Variants in RBFOX2 observed in about 807,000 individuals in gnomAD.
RBFOX2 encodes the protein RNA binding fox-1 homolog 2.
RBFOX2 carries 10 observed loss-of-function variants against 49.1 expected under a neutral mutation model. The ratio of observed to expected loss-of-function variants is 0.20; its 90% CI spans 0.13 to 0.35. RBFOX2 has a LOEUF of 0.35. RBFOX2 is among the 10% of genes least tolerant of loss of function. The probability of loss-of-function intolerance (pLI) is 1.00; values close to 1 mark genes in which losing one functional copy is unlikely to be tolerated. For synonymous variants in RBFOX2, 183 were observed against 187.4 expected, an observed-to-expected ratio of 0.98 and a Z score of 0.19; for missense variants, 323 against 486.9, an observed-to-expected ratio of 0.66 and a Z score of 3.17.
intron 1 of RBFOX2, among the ~76,000 whole-genome samples, chr22:35,837,531 G>A (rs1957903230): frequency 6.6e-6 from 1 of 151,526 alleles, no homozygotes; most frequent in Non-Finnish European, 1.5e-5. Context: ...ACACACGCAG[G>A]CACAACACAA....
chr22:35,878,268 T>G (rs947293540), intron 1 of RBFOX2, among the ~76,000 whole-genome samples: 2 of 152,068 alleles, frequency 1.3e-5, no homozygotes, highest in Non-Finnish European at 2.9e-5. Context: ...CATGGTGGTA[T>G]GGACCTTTAA....
intron 1 of RBFOX2, among the ~76,000 whole-genome samples, chr22:36,018,877 G>A (rs1363456600): frequency 6.6e-6 from 1 of 152,090 alleles, no homozygotes; most frequent in Non-Finnish European, 1.5e-5. Context: ...GCCTCCCAAA[G>A]TGCTGGGATT....
chr22:35,924,805 G>A (rs779243943), intron 1 of RBFOX2, among the ~76,000 whole-genome samples: 1 of 152,186 alleles, frequency 6.6e-6, no homozygotes, highest in Non-Finnish European at 1.5e-5. Flanking sequence ...GAGAACTCTT[G>A]TTCTTACAGA....
rs1255095306 is a variant in RBFOX2, at chr22:35,933,696, T to G, written c.-34+5151A>C. Reference sequence around the variant, plus strand: ...TGGTTGATTAAAGTATAAGCCTCTTTTAATCAATTAACTTGTTAAATTAAC... The same window carrying G: ...TGGTTGATTAAAGTATAAGCCTCTTGTAATCAATTAACTTGTTAAATTAAC... On this transcript the variant is annotated intron_variant, in intron 1 of 13. Coordinates refer to the RBFOX2 transcript ENST00000359369. 3.9e-5 allele frequency among the ~76,000 whole-genome samples: 6 copies of G among 152,058 alleles called. No homozygotes were observed. In the East Asian group the frequency reaches 1.2e-3, roughly 29 times the overall value.
chr22:35,832,837 C>G (rs553934183), intron 1 of RBFOX2, among the ~76,000 whole-genome samples: 1 of 152,234 alleles, frequency 6.6e-6, no homozygotes, highest in South Asian at 2.1e-4. Context: ...TAGTGAGATT[C>G]AGTCTCCAAA....
chr22:35,876,701 A>AACACACAC (rs142455818), intron 1 of RBFOX2, among the ~76,000 whole-genome samples: 3,167 of 140,528 alleles, frequency 0.023, 51 homozygotes, highest in Non-Finnish European at 0.028. Context: ...CATTAAAAGA[A>AACACACAC]ACACACACAC....
intron 1 of RBFOX2, among the ~76,000 whole-genome samples, chr22:36,011,301 A>C (rs1276989178): frequency 6.6e-6 from 1 of 152,188 alleles, no homozygotes; most frequent in East Asian, 1.9e-4. Flanking sequence ...AGGTATCTGC[A>C]GGGTATTCAC....
chr22:35,838,115 G>A (rs921107248), intron 1 of RBFOX2, among the ~76,000 whole-genome samples: 2 of 152,106 alleles, frequency 1.3e-5, no homozygotes, highest in Non-Finnish European at 2.9e-5. Context: ...CAAGAAGAGA[G>A]CTGTTACCCT....
chr22:35,997,730 C>G (rs566579556), intron 1 of RBFOX2: 2 of 152,274 alleles, frequency 1.3e-5, no homozygotes, highest in Non-Finnish European at 2.9e-5. Flanking sequence ...GTGGCTCACA[C>G]CTATAATCCT....
intron 6 of RBFOX2, among the ~76,000 whole-genome samples, chr22:35,762,908 C>G (rs1476641679): frequency 6.6e-6 from 1 of 152,200 alleles, no homozygotes; most frequent in Non-Finnish European, 1.5e-5. Flanking sequence ...TCAATCCAAT[C>G]TCTTATTCAT....
chr22:35,768,304 C>A, exon 5 of RBFOX2: 2 of 1,614,174 alleles, frequency 1.2e-6, no homozygotes, highest in East Asian at 4.5e-5. Context: ...TTCTCCCTGG[C>A]CCTGTCTGCA....
At chr22:35,995,063 G>GA (rs1253217298) in intron 1 of RBFOX2, 1 of 152,224 alleles carries the variant, frequency 6.6e-6, no homozygotes, top group African/African-American at 2.4e-5. Flanking sequence ...TGAAAGAAAA[G>GA]AAAGAGGGAA....
intron 1 of RBFOX2, among the ~76,000 whole-genome samples, chr22:35,923,652 A>C (rs2051279156): frequency 6.6e-6 from 1 of 152,144 alleles, no homozygotes; most frequent in African/African-American, 2.4e-5. Context: ...ACCCTTGGCA[A>C]ATCTCTCAGG....
At chr22:35,796,445 G>C (rs1313758051) in intron 2 of RBFOX2, among the ~76,000 whole-genome samples, 1 of 152,134 alleles carries the variant, frequency 6.6e-6, no homozygotes. Flanking sequence ...ATTACAGTAT[G>C]TTATTTTAAC....
chr22:35,891,082 T>C (rs532531484), intron 1 of RBFOX2, among the ~76,000 whole-genome samples: 82 of 152,308 alleles, frequency 5.4e-4, no homozygotes, highest in African/African-American at 1.9e-3. Flanking sequence ...CAGATTCGAA[T>C]AGCATTCAAA....
At chr22:35,944,035 A>G (rs1049502655) in intron 1 of RBFOX2, among the ~76,000 whole-genome samples, 8 of 152,266 alleles carry the variant, frequency 5.3e-5, no homozygotes, top group Non-Finnish European at 1.2e-4. Flanking sequence ...ATGTACCTAC[A>G]TCTGTAAAAT....
intron 1 of RBFOX2, among the ~76,000 whole-genome samples, chr22:35,818,527 T>C (rs1189637685): frequency 6.6e-6 from 1 of 152,204 alleles, no homozygotes; most frequent in South Asian, 2.1e-4. Context: ...CTCACACCTG[T>C]AATCCCAGCA....
At chr22:35,913,114 T>A (rs771511094) in intron 1 of RBFOX2, among the ~76,000 whole-genome samples, 12 of 11,190 alleles carry the variant, frequency 1.1e-3, no homozygotes, top group Non-Finnish European at 1.6e-3. Context: ...AATTTTTTTT[T>A]AATTGGAAGT....
At chr22:35,894,835 C>A (rs534230582) in intron 1 of RBFOX2, among the ~76,000 whole-genome samples, 5 of 152,002 alleles carry the variant, frequency 3.3e-5, no homozygotes, top group African/African-American at 1.2e-4. Flanking sequence ...CATGTCAGAT[C>A]GGGCTGCTCA....
Sources: gnomAD v4.1 joint callset for allele counts (sites outside exome capture counted in the v4.1 genomes callset) on GRCh38, gnomAD v4.1.1 for gene constraint, MANE v1.5 for transcripts, NCBI Gene and HGNC (gene_info 2026-07-23, HGNC 2026-07-21) for gene names.